The following PPFIA2 variants were observed in gnomAD, a reference collection of about 807,000 sequenced individuals.
The protein encoded by PPFIA2 is PPFI scaffold protein A2.
PPFIA2 carries 46 observed loss-of-function variants against 175.5 expected under a neutral mutation model. The ratio of observed to expected loss-of-function variants is 0.26; its 90% CI spans 0.21 to 0.34. The LOEUF is 0.34. Among genes scored for constraint, PPFIA2 ranks in the 10% least tolerant of loss-of-function variants. The pLI is 1.00. For missense variants in PPFIA2, 1,179 were observed against 1,506.1 expected (o/e 0.78, Z 3.60); for synonymous variants, 568 against 511.4 (o/e 1.11, Z -1.49).
chr12:81,495,451 G>A (rs1365189425), intron 4 of PPFIA2, among the ~76,000 whole-genome samples: 4 of 151,774 alleles, frequency 2.6e-5, no homozygotes, highest in African/African-American at 9.7e-5. Flanking sequence ...TAAACTTAAA[G>A]CCACTTACTG....
chr12:81,286,392 G>A (rs977397094), intron 24 of PPFIA2, among the ~76,000 whole-genome samples: 1 of 151,966 alleles, frequency 6.6e-6, no homozygotes, highest in Middle Eastern at 3.4e-3. Flanking sequence ...CCCTATTCAC[G>A]TGTACCATTT....
At chr12:81,520,805 G>C (rs1451361477) in intron 4 of PPFIA2, among the ~76,000 whole-genome samples, 2 of 152,180 alleles carry the variant, frequency 1.3e-5, no homozygotes, top group Non-Finnish European at 2.9e-5. Context: ...GAGCCAGGGT[G>C]CTGAACACAG....
intron 28 of PPFIA2, among the ~76,000 whole-genome samples, chr12:81,270,343 G>A (rs1358382882): frequency 6.6e-6 from 1 of 151,990 alleles, no homozygotes; most frequent in Non-Finnish European, 1.5e-5. Context: ...TGGTATTATG[G>A]GTTGAATTGT....
At chr12:81,505,662 T>C (rs2061079168) in intron 4 of PPFIA2, 1 of 152,160 alleles carries the variant, frequency 6.6e-6, no homozygotes, top group African/African-American at 2.4e-5. Flanking sequence ...ACCCCTTCTT[T>C]TTCCTCCACC....
At chr12:81,607,884 G>T (rs2060491308) in intron 4 of PPFIA2, among the ~76,000 whole-genome samples, 1 of 151,982 alleles carries the variant, frequency 6.6e-6, no homozygotes, top group Non-Finnish European at 1.5e-5. Context: ...TTCTCAAGGG[G>T]GACGGTTCTA....
chr12:81,418,793 T>G (rs543552967), intron 7 of PPFIA2, among the ~76,000 whole-genome samples: 63 of 152,078 alleles, frequency 4.1e-4, no homozygotes, highest in African/African-American at 1.5e-3. Context: ...GTTTCTAATT[T>G]CCTTCACATA....
At chr12:81,267,318 T>C in intron 29 of PPFIA2, 1 of 433,418 alleles carries the variant, frequency 2.3e-6, no homozygotes. Context: ...ATCTCTGAAA[T>C]ATGTAAAAAC....
intron 4 of PPFIA2, among the ~76,000 whole-genome samples, chr12:81,664,101 G>C (rs1232429015): frequency 6.6e-6 from 1 of 152,124 alleles, no homozygotes; most frequent in Non-Finnish European, 1.5e-5. Flanking sequence ...AGAAAACCTA[G>C]GCAATACCAT....
intron 3 of PPFIA2, among the ~76,000 whole-genome samples, chr12:81,697,813 A>G (rs1206253638): frequency 6.6e-6 from 1 of 152,114 alleles, no homozygotes; most frequent in Non-Finnish European, 1.5e-5. Context: ...CTCTCTCTCA[A>G]TAAGTAGAGT....
intron 24 of PPFIA2, among the ~76,000 whole-genome samples, chr12:81,284,941 G>T (rs1014193369): frequency 2.0e-5 from 3 of 152,076 alleles, no homozygotes; most frequent in Admixed American, 1.3e-4. Flanking sequence ...TTAATAAAAT[G>T]TATTTTTTAG....
At chr12:81,321,175 A>G (rs2053578629) in intron 22 of PPFIA2, among the ~76,000 whole-genome samples, 1 of 152,116 alleles carries the variant, frequency 6.6e-6, no homozygotes, top group South Asian at 2.1e-4. Flanking sequence ...GTCTGAGGAC[A>G]AATTATTTTT....
In PPFIA2 at chr12:81,353,318, C is replaced by T. The variant is rs1363065600; in HGVS notation, c.1795G>A (p.Glu599Lys). 1.9e-6 allele frequency: 3 copies of T among 1,613,034 alleles called. No individual in the cohort carries two copies. Among genetic ancestry groups the T allele is most frequent in the Admixed American group, 1.7e-5 (1 of 59,930 alleles). Residue 599 changes from glutamate (E) to lysine (K), a missense_variant, in exon 17 of 33, where the codon GAG becomes AAG. Around this residue, in one of 10 missense-constraint regions of PPFIA2, gnomAD observed 186 missense variants for 163.6 expected, o/e 1.14. Coordinates refer to ENST00000549396, the MANE Select transcript of PPFIA2 (RefSeq NM_003625.5). ...CCAATCTGTTGAGTTCTATTCCACTCGTGATCCCCAAGAGATTTCACCTGA... is the reference window on the plus strand; with the variant it reads ...CCAATCTGTTGAGTTCTATTCCACTTGTGATCCCCAAGAGATTTCACCTGA... ...EPKVKSLGDH[E>K]WNRTQQIGVL...
chr12:81,318,871 A>C (rs545398386), intron 22 of PPFIA2, among the ~76,000 whole-genome samples: 1 of 151,844 alleles, frequency 6.6e-6, no homozygotes, highest in South Asian at 2.1e-4. Context: ...CTCTTTGAAG[A>C]ACAGAACTAC....
chr12:81,471,294 C>T (rs2056682626), intron 4 of PPFIA2: 1 of 151,724 alleles, frequency 6.6e-6, no homozygotes, highest in African/African-American at 2.4e-5. Flanking sequence ...CATAGATACA[C>T]TCCACTACTC....
At chr12:81,492,809 C>T (rs1368094878) in intron 4 of PPFIA2, among the ~76,000 whole-genome samples, 1 of 151,962 alleles carries the variant, frequency 6.6e-6, no homozygotes, top group African/African-American at 2.4e-5. Flanking sequence ...ATCCTTTCAG[C>T]TGCTATTTGA....
At chr12:81,450,559 G>T (rs1435192512) in intron 5 of PPFIA2, among the ~76,000 whole-genome samples, 1 of 152,034 alleles carries the variant, frequency 6.6e-6, no homozygotes, top group Non-Finnish European at 1.5e-5. Context: ...AGATGAGTAG[G>T]TTGCAAAAAT....
At chr12:81,726,498 A>T (rs1346591801) in intron 3 of PPFIA2, among the ~76,000 whole-genome samples, 1 of 151,188 alleles carries the variant, frequency 6.6e-6, no homozygotes, top group Admixed American at 6.6e-5. Flanking sequence ...GTCCACCTTG[A>T]GCTACTGAAA....
chr12:81,453,141 C>T, intron 5 of PPFIA2, among the ~76,000 whole-genome samples: 1 of 108,764 alleles, frequency 9.2e-6, no homozygotes, highest in Non-Finnish European at 1.8e-5. Context: ...GCTATCCCTC[C>T]CCCCTCCCCC....
rs147821780 is a variant in PPFIA2, at chr12:81,437,535, T to C, written c.645+2437A>G. Among the ~76,000 whole-genome samples the C allele has an allele frequency of 6.6e-3, 1,002 of 152,250 alleles. 6 individuals are homozygous for C. The highest frequency in any genetic ancestry group is 1.0e-2 in the Non-Finnish European group (678 of 68,000). On this transcript the variant is annotated intron_variant, in intron 7 of 32. Transcript: ENST00000549396. ...GGTGTGAACCACCACACCTGGCCTA[T>C]GGGACACTTTTATTTCAGCTTACTT... is the stretch of plus-strand genomic sequence containing the variant.
Sources: gnomAD v4.1 joint callset for allele counts (sites outside exome capture counted in the v4.1 genomes callset) on GRCh38, gnomAD v4.1.1 for gene constraint, gnomAD v4.1.1 regional missense constraint, MANE v1.5 for transcripts, NCBI Gene and HGNC (gene_info 2026-07-23, HGNC 2026-07-21) for gene names.